Variants in CREB3L3 observed in about 807,000 individuals in gnomAD.
CREB3L3 encodes cyclic AMP-responsive element-binding protein 3-like protein 3.
A neutral mutation model predicts 44.6 loss-of-function variants in CREB3L3; 40 were observed. That is an observed-to-expected ratio of 0.90 (90% CI 0.70 to 1.17). CREB3L3 has a LOEUF of 1.17. CREB3L3 is among the 50% of genes most tolerant of loss of function. The probability of loss-of-function intolerance (pLI) is 0.00; values close to 1 mark genes in which losing one functional copy is unlikely to be tolerated. For missense variants in CREB3L3, 578 were observed against 595.8 expected, an observed-to-expected ratio of 0.97 and a Z score of 0.31; for synonymous variants, 273 against 256.3, an observed-to-expected ratio of 1.06 and a Z score of -0.62.
chr19:4,168,572 CT>C, intron 6 of CREB3L3, 115 bp downstream of exon 6: 1 of 768,194 alleles, frequency 1.3e-6, no homozygotes, highest in Non-Finnish European at 2.2e-6. Flanking sequence ...GGTGATTCTC[CT>C]CTCTGGGAGA....
At chr19:4,167,975 T>A (rs942565183) in intron 5 of CREB3L3, among the ~76,000 whole-genome samples, 2 of 123,062 alleles carry the variant, frequency 1.6e-5, no homozygotes, top group African/African-American at 5.9e-5. Flanking sequence ...TTTAATTATT[T>A]TATTTATTTA....
At position 4,172,312 on chromosome 19, in the gene CREB3L3, CA is replaced by C. The variant is rs2145147355; in HGVS notation, c.*344del. On this transcript the variant is annotated 3_prime_UTR_variant, in exon 10 of 10. Transcript: ENST00000078445. Reference sequence around the variant, plus strand: ...AGACAGACACAGCCTGAAACAGACCCAGACAAACAGACAGACAGACACAGCC... The same window carrying C: ...AGACAGACACAGCCTGAAACAGACCCGACAAACAGACAGACAGACACAGCC... 1 of 449,126 alleles carries C rather than the reference CA, an allele frequency of 2.2e-6. No homozygotes were observed. The highest frequency in any genetic ancestry group is 4.3e-5 in the East Asian group (1 of 23,000). The allele number at this position is 449,126 out of a possible 1,614,324, so 27.8% of individuals were successfully genotyped here.
chr19:4,156,469 G>T (rs895000768), intron 2 of CREB3L3, among the ~76,000 whole-genome samples: 13 of 151,720 alleles, frequency 8.6e-5, no homozygotes, highest in African/African-American at 3.1e-4. Context: ...TTACAGGCCT[G>T]AGCCACCGTG....
intron 6 of CREB3L3, 36 bp from the exon 7 acceptor site, chr19:4,170,104 C>A: frequency 1.9e-6 from 3 of 1,605,514 alleles, no homozygotes; most frequent in Non-Finnish European, 2.6e-6. Flanking sequence ...TGGTGACTGG[C>A]ATATGCTGAA....
Position 4,172,224 on chromosome 19 carries a change from C to G in CREB3L3, c.*255C>G. The G allele has an allele frequency of 3.4e-6, 2 of 590,698 alleles. No individual in the cohort carries two copies. The highest frequency in any genetic ancestry group is 6.0e-6 in the Non-Finnish European group (2 of 332,606). 36.6% of individuals were successfully genotyped at this position (590,698 alleles called of 1,614,324 possible). Reference sequence around the variant, plus strand: ...CAGAGCCAGGAGCAGAAGCAAAGAGCAGACACACATACAGCCTGAAACAGA... The same window carrying G: ...CAGAGCCAGGAGCAGAAGCAAAGAGGAGACACACATACAGCCTGAAACAGA... On this transcript the variant is annotated 3_prime_UTR_variant, in exon 10 of 10. Coordinates refer to ENST00000078445, the MANE Select transcript of CREB3L3 (RefSeq NM_032607.3).
intron 3 of CREB3L3, among the ~76,000 whole-genome samples, chr19:4,159,151 C>T (rs1431025052): frequency 1.4e-5 from 2 of 147,220 alleles, no homozygotes; most frequent in Non-Finnish European, 3.0e-5. Flanking sequence ...TTTGGGTCCC[C>T]ATCTTTTTTT....
rs1324456777 is a variant in CREB3L3 at position 4,162,901 on chromosome 19, C to T, written c.577-1602C>T. 2.6e-5 allele frequency among the ~76,000 whole-genome samples: 4 copies of T among 152,060 alleles called. No homozygotes were observed. In the East Asian group the frequency reaches 5.8e-4, roughly 22 times the overall value. On this transcript the variant is annotated intron_variant, in intron 4 of 9. Transcript: ENST00000078445. ...CTGAAGCTGGAGAATCGCTTGAGCC[C>T]GGGAGGCGGAGGTTGCAGTGAGCCA...
chr19:4,168,797 T>C (rs929071852), intron 6 of CREB3L3, among the ~76,000 whole-genome samples: 29 of 152,254 alleles, frequency 1.9e-4, no homozygotes, highest in African/African-American at 6.5e-4. Context: ...AGTGGTGCGA[T>C]CTTGGCTCAC....
At chr19:4,169,798 C>T (rs1967003294) in intron 6 of CREB3L3, among the ~76,000 whole-genome samples, 1 of 151,882 alleles carries the variant, frequency 6.6e-6, no homozygotes, top group Non-Finnish European at 1.5e-5. Context: ...AGGGTTTCAC[C>T]ATGTTGGCCA....
intron 5 of CREB3L3, among the ~76,000 whole-genome samples, chr19:4,167,346 G>T (rs1222203012): frequency 8.0e-5 from 6 of 74,822 alleles, no homozygotes; most frequent in African/African-American, 9.1e-5. Context: ...AAGAAAGAAA[G>T]AAAGAAAGAG....
chr19:4,166,087 GT>G (rs5826835), intron 5 of CREB3L3, among the ~76,000 whole-genome samples: 7,369 of 140,804 alleles, frequency 0.052, 548 homozygotes, highest in African/African-American at 0.18. Flanking sequence ...ATTCTCATCT[GT>G]TTTTTTTTTT....
chr19:4,171,455 C>G lies in CREB3L3; in HGVS notation c.1048C>G (p.Pro350Ala). ...SPFGPNKTES[P>A]GDFAPVRVFS... Reference sequence around the variant, plus strand: ...TTTTGGCCCCAACAAAACCGAGAGCCCTGGGGACTTTGCGCCTGTACGAGG... The same window carrying G: ...TTTTGGCCCCAACAAAACCGAGAGCGCTGGGGACTTTGCGCCTGTACGAGG... The change falls in exon 9 of 10, where the codon CCT (proline) becomes GCT (alanine). Residue 350 changes from proline to alanine, a missense_variant. Coordinates refer to ENST00000078445, the MANE Select transcript of CREB3L3 (RefSeq NM_032607.3). The surrounding 1 kb of genome is among the most constrained non-coding windows in gnomAD (Gnocchi z 4.9). 1 of 1,614,112 alleles carries G rather than the reference C, an allele frequency of 6.2e-7. No individual in the cohort carries two copies. Among genetic ancestry groups the G allele is most frequent in the Non-Finnish European group, 8.5e-7 (1 of 1,180,006 alleles).
rs1167393728 is a variant in CREB3L3 at position 4,164,512 on chromosome 19, C to T, written c.586C>T (p.His196Tyr). Reference sequence around the variant, plus strand: ...CTGATTTTTTCCGTAGCAACAGCATCACCTGGGGGCCTCCTACCTCCTGCG... The same window carrying T: ...CTGATTTTTTCCGTAGCAACAGCATTACCTGGGGGCCTCCTACCTCCTGCG... ...SGSSGDLQQH[H>Y]LGASYLLRPG... Residue 196 changes from histidine (H) to tyrosine (Y), a missense_variant, in exon 5 of 10, where the codon CAC becomes TAC. By Grantham distance (83) the His-to-Tyr change is moderately conservative. Transcript: ENST00000078445. 3.1e-6 allele frequency: 5 copies of T among 1,613,988 alleles called. No individual in the cohort carries two copies. Among genetic ancestry groups the T allele is most frequent in the Admixed American group, 3.3e-5 (2 of 59,978 alleles).
At chr19:4,170,540 AG>A (rs1967020542) in intron 7 of CREB3L3, among the ~76,000 whole-genome samples, 1 of 151,766 alleles carries the variant, frequency 6.6e-6, no homozygotes, top group Admixed American at 6.6e-5. Context: ...TGAACTCGGG[AG>A]GCGGAGGTTG....
At chr19:4,167,161 G>A (rs1204801251) in intron 5 of CREB3L3, among the ~76,000 whole-genome samples, 3 of 151,988 alleles carry the variant, frequency 2.0e-5, no homozygotes, top group Admixed American at 1.3e-4. Context: ...TGGCCAACAT[G>A]GTGAAACCCT....
Position 4,166,965 on chromosome 19 carries a change from T to G in CREB3L3, c.715-1386T>G, listed in dbSNP as rs535727674. On this transcript the variant is annotated intron_variant, in intron 5 of 9. Transcript: ENST00000078445. ...CAGTCTAGTCTTGAACTCCTGGACT[T>G]ATGCGATCCTCTTGCCTTGGCCTCC... 7.3e-5 allele frequency among the ~76,000 whole-genome samples: 11 copies of G among 151,238 alleles called. No individual in the cohort carries two copies. In the South Asian group the frequency reaches 1.3e-3, roughly 17 times the overall value.
At position 4,154,965 on chromosome 19, in the gene CREB3L3, C is replaced by T. The variant is rs761355276; in HGVS notation, c.94C>T (p.Arg32Trp). The change falls in exon 2 of 10, where the codon CGG becomes TGG. Residue 32 changes from arginine to tryptophan, a missense_variant. Physicochemically the swap from Arg to Trp is moderately radical, Grantham distance 101 (BLOSUM62 -3). Coordinates refer to ENST00000078445, the MANE Select transcript of CREB3L3 (RefSeq NM_032607.3). ...TGAGCTCCTGGATCTCCTGTTTGAC[C>T]GGCAGGACGGCATCCTGAGACACGT... ...SFELLDLLFD[R>W]QDGILRHVEL... 13 of 1,613,112 alleles carry T rather than the reference C, an allele frequency of 8.1e-6. No individual in the cohort carries two copies. Among genetic ancestry groups the T allele is most frequent in the Admixed American group, 3.3e-5 (2 of 59,978 alleles).
chr19:4,168,468 C>A lies in CREB3L3; in HGVS notation c.821+11C>A. The A allele has an allele frequency of 1.3e-6, 2 of 1,584,296 alleles. No homozygotes were observed. Among genetic ancestry groups the A allele is most frequent in the Non-Finnish European group, 1.7e-6 (2 of 1,157,930 alleles). On this transcript the variant is annotated intron_variant, in intron 6 of 9. Transcript: ENST00000078445. The stretch of plus-strand genomic sequence containing the variant: ...TGGCCTGGAGACTCGGTGGGTAGTG[C>A]TGGACCCAGACTCTACACTCGTGGA...
intron 4 of CREB3L3, among the ~76,000 whole-genome samples, chr19:4,163,994 G>A (rs1487692721): frequency 8.1e-6 from 1 of 123,838 alleles, no homozygotes; most frequent in Non-Finnish European, 1.6e-5. Flanking sequence ...TTTTTTTTGA[G>A]ACGGAGTCTC....
Sources: gnomAD v4.1 joint callset for allele counts (sites outside exome capture counted in the v4.1 genomes callset) on GRCh38, gnomAD v4.1.1 for gene constraint, Gnocchi (gnomAD v3.1) non-coding constraint, MANE v1.5 for transcripts, NCBI Gene and HGNC (gene_info 2026-07-23, HGNC 2026-07-21) for gene names.